The following PALLD variants were observed in gnomAD, a reference collection of about 807,000 sequenced individuals.
PALLD encodes the protein palladin.
A neutral mutation model predicts 123.5 loss-of-function variants in PALLD; 61 were observed. The ratio of observed to expected loss-of-function variants is 0.49; its 90% confidence interval spans 0.40 to 0.61. The LOEUF is 0.61. PALLD is among the 20% of genes least tolerant of loss of function. The probability of loss-of-function intolerance (pLI) is 0.00; values close to 1 mark genes in which losing one functional copy is unlikely to be tolerated. For synonymous variants in PALLD, 465 were observed against 496.4 expected (o/e 0.94, Z 0.84); for missense variants, 1,273 against 1,377.0 (o/e 0.92, Z 1.20).
chr4:168,574,631 A>T (rs1272120899), intron 2 of PALLD, among the ~76,000 whole-genome samples: 1 of 152,122 alleles, frequency 6.6e-6, no homozygotes, highest in Non-Finnish European at 1.5e-5. Context: ...TAGATGCTCA[A>T]TAACAAGTTT....
intron 2 of PALLD, among the ~76,000 whole-genome samples, chr4:168,616,258 A>G (rs1364359750): frequency 6.6e-6 from 1 of 152,192 alleles, no homozygotes; most frequent in Non-Finnish European, 1.5e-5. Flanking sequence ...ATCTTTGGAG[A>G]TGCTTAAACC....
chr4:168,800,005 T>C (rs60070898), intron 10 of PALLD, among the ~76,000 whole-genome samples: 3,245 of 152,302 alleles, frequency 0.021, 106 homozygotes, highest in East Asian at 0.17. Context: ...AATTCAAAGG[T>C]AGATACTTTG....
chr4:168,695,758 C>G (rs1343874326), intron 8 of PALLD, among the ~76,000 whole-genome samples: 1 of 152,106 alleles, frequency 6.6e-6, no homozygotes, highest in Non-Finnish European at 1.5e-5. Flanking sequence ...ATTTTTCTTT[C>G]AATTTATATG....
At chr4:168,898,430 G>A in intron 13 of PALLD, 63 bp from the exon 14 acceptor site, 1 of 1,020,244 alleles carries the variant, frequency 9.8e-7, no homozygotes, top group Non-Finnish European at 1.6e-6. Flanking sequence ...TGGGGGGCAG[G>A]GAGAGACGTG....
At chr4:168,596,179 G>A (rs1013118688) in intron 2 of PALLD, among the ~76,000 whole-genome samples, 2 of 152,082 alleles carry the variant, frequency 1.3e-5, no homozygotes, top group African/African-American at 4.8e-5. Flanking sequence ...TGGATTTCAA[G>A]ATGAATGAGA....
chr4:168,563,353 G>A (rs1329605153), intron 2 of PALLD, among the ~76,000 whole-genome samples: 1 of 152,144 alleles, frequency 6.6e-6, no homozygotes, highest in South Asian at 2.1e-4. Context: ...ATGAGACTTA[G>A]GCAGAGCCTT....
At chr4:168,704,272 T>G (rs1784002879) in intron 8 of PALLD, among the ~76,000 whole-genome samples, 2 of 152,072 alleles carry the variant, frequency 1.3e-5, no homozygotes, top group Admixed American at 1.3e-4. Flanking sequence ...CCTAAAACCA[T>G]AAAAACCCTA....
intron 10 of PALLD, among the ~76,000 whole-genome samples, chr4:168,723,547 T>C (rs766179773): frequency 4.6e-5 from 7 of 152,082 alleles, no homozygotes; most frequent in African/African-American, 7.2e-5. Flanking sequence ...CAAGGGAGAA[T>C]TGGAGAAGGA....
intron 10 of PALLD, among the ~76,000 whole-genome samples, chr4:168,809,566 A>C (rs6832048): frequency 0.57 from 85,879 of 151,534 alleles, 24,963 homozygotes; most frequent in Non-Finnish European, 0.63. Context: ...GTCTGTATTC[A>C]AGAACCAGAC....
intron 2 of PALLD, among the ~76,000 whole-genome samples, chr4:168,626,183 G>A (rs1350908135): frequency 2.0e-5 from 3 of 151,656 alleles, no homozygotes; most frequent in African/African-American, 4.8e-5. Context: ...GGCGGATCAC[G>A]AGGTCAGGAG....
chr4:168,870,175 C>A (rs1341927107), intron 10 of PALLD, among the ~76,000 whole-genome samples: 1 of 152,166 alleles, frequency 6.6e-6, no homozygotes, highest in Non-Finnish European at 1.5e-5. Flanking sequence ...ATTAACAGAA[C>A]CTTGGCCACT....
chr4:168,724,197 A>C (rs577740325), intron 10 of PALLD, among the ~76,000 whole-genome samples: 1 of 152,288 alleles, frequency 6.6e-6, no homozygotes, highest in Non-Finnish European at 1.5e-5. Flanking sequence ...ATTGTTCTCA[A>C]CTAATGACTC....
intron 10 of PALLD, among the ~76,000 whole-genome samples, chr4:168,790,353 G>A (rs1012119748): frequency 1.6e-4 from 24 of 151,438 alleles, no homozygotes; most frequent in Middle Eastern, 3.2e-3. Flanking sequence ...GTAGAGATGG[G>A]ATTTCACCAT....
At chr4:168,868,089 C>T (rs1750571721) in intron 10 of PALLD, among the ~76,000 whole-genome samples, 1 of 152,082 alleles carries the variant, frequency 6.6e-6, no homozygotes, top group South Asian at 2.1e-4. Context: ...GCCAGGAACT[C>T]TAGGTGATTC....
At chr4:168,762,667 A>G (rs1192587384) in intron 10 of PALLD, among the ~76,000 whole-genome samples, 3 of 152,230 alleles carry the variant, frequency 2.0e-5, no homozygotes, top group Non-Finnish European at 4.4e-5. Context: ...CAGCGATCCC[A>G]TTACTGGGTA....
intron 14 of PALLD, among the ~76,000 whole-genome samples, chr4:168,899,279 T>C (rs1357830949): frequency 6.6e-6 from 1 of 151,972 alleles, no homozygotes. Context: ...TACAAACATA[T>C]GGAAATGCTG....
chr4:168,534,529 AC>A (rs765168430), intron 2 of PALLD, among the ~76,000 whole-genome samples: 1 of 152,246 alleles, frequency 6.6e-6, no homozygotes, highest in Non-Finnish European at 1.5e-5. Flanking sequence ...GAAGATTGAT[AC>A]TTTTCTAATA....
chr4:168,674,207 G>A (rs548494102), intron 3 of PALLD, among the ~76,000 whole-genome samples: 2 of 152,270 alleles, frequency 1.3e-5, no homozygotes, highest in African/African-American at 2.4e-5. Flanking sequence ...GAGCCACTGC[G>A]TCCAGCCTGA....
chr4:168,593,761 A>T (rs757598656), intron 2 of PALLD, among the ~76,000 whole-genome samples: 2 of 152,246 alleles, frequency 1.3e-5, no homozygotes, highest in Non-Finnish European at 2.9e-5. Flanking sequence ...AGTGTTACAA[A>T]GCAGGCCCAC....
Sources: gnomAD v4.1 joint callset for allele counts (sites outside exome capture counted in the v4.1 genomes callset) on GRCh38, gnomAD v4.1.1 for gene constraint, MANE v1.5 for transcripts, NCBI Gene and HGNC (gene_info 2026-07-23, HGNC 2026-07-21) for gene names.